Variants in SERPINB2 observed in about 807,000 individuals in gnomAD.
The protein encoded by SERPINB2 is plasminogen activator inhibitor 2.
SERPINB2 carries 28 observed loss-of-function variants against 39.4 expected under a neutral mutation model. The observed-to-expected ratio is 0.71, with a 90% CI of 0.53 to 0.97. SERPINB2 has a LOEUF of 0.97. Among genes scored for constraint, SERPINB2 ranks in the 50% least tolerant of loss-of-function variants. The pLI is 0.00. For synonymous variants in SERPINB2, 209 were observed against 175.1 expected (o/e 1.19, Z -1.53); for missense variants, 557 against 505.3 (o/e 1.10, Z -0.98).
chr18:63,897,776 T>C lies in SERPINB2; in HGVS notation c.467T>C (p.Val156Ala). 1 of 1,613,588 alleles carries C rather than the reference T, an allele frequency of 6.2e-7. No homozygotes were observed. The highest frequency in any genetic ancestry group is 1.1e-5 in the South Asian group (1 of 91,054). The change falls in exon 5 of 8, where the codon GTA (valine) becomes GCA (alanine). Residue 156 changes from valine (V) to alanine (A), a missense_variant. By Grantham distance (64) the Val-to-Ala change is moderately conservative. Transcript: ENST00000299502. ...QKYYSSEPQA[V>A]DFLECAEEAR... ...TATTACTCCTCAGAACCCCAGGCAG[T>C]AGACTTCCTAGAATGTGCAGAAGAA...
At chr18:63,889,401 C>G (rs986601794) in intron 1 of SERPINB2, among the ~76,000 whole-genome samples, 2 of 151,998 alleles carry the variant, frequency 1.3e-5, no homozygotes, top group African/African-American at 4.8e-5. Flanking sequence ...ACAGAACTTT[C>G]TGTTAGTTTG....
intron 1 of SERPINB2, 30 bp downstream of exon 1, chr18:63,887,800 T>C (rs2049902512): frequency 1.3e-5 from 2 of 152,230 alleles, no homozygotes; most frequent in South Asian, 4.1e-4. Flanking sequence ...GCCATGTCTA[T>C]GGGAAATAGG....
rs2049926649 is a variant in SERPINB2 at position 63,891,572 on chromosome 18, A to G, written c.128A>G (p.Tyr43Cys). 1.9e-6 allele frequency: 3 copies of G among 1,614,028 alleles called. No individual in the cohort carries two copies. The highest frequency in any genetic ancestry group is 1.7e-5 in the Admixed American group (1 of 60,008). Residue 43 changes from tyrosine (Y) to cysteine (C), a missense_variant, in exon 2 of 8, where the codon TAC (tyrosine) becomes TGC (cysteine). Coordinates refer to ENST00000299502, the MANE Select transcript of SERPINB2 (RefSeq NM_002575.3). ...WSISSTMAMVYMGSRGSTEDQ... is the reference protein window; with the variant it reads ...WSISSTMAMVCMGSRGSTEDQ... ...ATCTCGTCCACCATGGCCATGGTCT[A>G]CATGGGCTCCAGGGGCAGCACCGAA...
At position 63,903,213 on chromosome 18, in the gene SERPINB2, C is replaced by A; in HGVS notation, c.1156C>A (p.Pro386Thr). ...GACAGGGAGAACTGGACATGGAGGC[C>A]CACAGTTTGTGGCAGATCATCCTTT... is the stretch of plus-strand genomic sequence containing the variant. ...VMTGRTGHGGPQFVADHPFLF... is the reference protein window; with the variant it reads ...VMTGRTGHGGTQFVADHPFLF... The change falls in exon 8 of 8, where the codon CCA becomes ACA. Residue 386 changes from proline (P) to threonine (T), a missense_variant. Coordinates refer to ENST00000299502, the MANE Select transcript of SERPINB2 (RefSeq NM_002575.3). 1 of 1,612,098 alleles carries A rather than the reference C, an allele frequency of 6.2e-7. No homozygotes were observed. The highest frequency in any genetic ancestry group is 8.5e-7 in the Non-Finnish European group (1 of 1,179,184).
chr18:63,902,591 TTTCTGGGGC>T (rs2049999602), intron 7 of SERPINB2, 23 bp downstream of exon 7: 5 of 920,346 alleles, frequency 5.4e-6, no homozygotes, highest in Non-Finnish European at 7.0e-6. Context: ...GATATTTAAG[TTTCTGGGGC>T]TATACCTACC....
At chr18:63,894,062 C>G (rs1276610933) in intron 2 of SERPINB2, among the ~76,000 whole-genome samples, 1 of 152,192 alleles carries the variant, frequency 6.6e-6, no homozygotes, top group Non-Finnish European at 1.5e-5. Flanking sequence ...CCAGGCCAAA[C>G]TGCCTCACTA....
intron 5 of SERPINB2, among the ~76,000 whole-genome samples, chr18:63,899,906 T>G (rs1480093598): frequency 6.6e-6 from 1 of 152,216 alleles, no homozygotes. Flanking sequence ...AATAATTGAT[T>G]TCCTTTTAGT....
intron 2 of SERPINB2, among the ~76,000 whole-genome samples, chr18:63,893,207 C>T (rs1247789849): frequency 6.6e-6 from 1 of 152,176 alleles, no homozygotes; most frequent in African/African-American, 2.4e-5. Context: ...GGATTATAGG[C>T]GTGAGCCAGT....
intron 5 of SERPINB2, 29 bp downstream of exon 5, chr18:63,897,873 T>A: frequency 7.1e-7 from 1 of 1,408,058 alleles, no homozygotes; most frequent in Non-Finnish European, 1.0e-6. Context: ...TTTATTTACT[T>A]CTTTCCAGTT....
chr18:63,901,987 G>A (rs2049994593), intron 6 of SERPINB2, 105 bp downstream of exon 6: 1 of 1,084,686 alleles, frequency 9.2e-7, no homozygotes, highest in South Asian at 1.5e-5. Context: ...CTAGTTAGAA[G>A]TTATGCATGT....
chr18:63,902,508 T>C lies in SERPINB2; in HGVS notation c.783T>C (p.Asp261=), dbSNP rs2049998746. Residue 261 remains aspartate (D), a synonymous_variant, in exon 7 of 8, where the codon GAT becomes GAC. Coordinates refer to ENST00000299502, the MANE Select transcript of SERPINB2 (RefSeq NM_002575.3). The part of the protein sequence containing the change: ...AQILELPYAG[D]VSMFLLLPDE... ...TTCTAGAACTCCCATATGCTGGAGA[T>C]GTTAGCATGTTCTTGTTGCTTCCAG... 1.2e-6 allele frequency: 2 copies of C among 1,613,732 alleles called. No individual in the cohort carries two copies. Among genetic ancestry groups the C allele is most frequent in the East Asian group, 2.2e-5 (1 of 44,858 alleles).
chr18:63,902,680 C>G, intron 7 of SERPINB2, 112 bp downstream of exon 7: 1 of 1,168,160 alleles, frequency 8.6e-7, no homozygotes, highest in Non-Finnish European at 1.2e-6. Context: ...ATATATGAAA[C>G]AGTTGATAGT....
chr18:63,901,265 G>A (rs1231209539), intron 5 of SERPINB2, among the ~76,000 whole-genome samples: 1 of 152,080 alleles, frequency 6.6e-6, no homozygotes, highest in East Asian at 1.9e-4. Context: ...CTCATCTCTT[G>A]TATCTGCACT....
intron 4 of SERPINB2, among the ~76,000 whole-genome samples, 189 bp from the exon 5 acceptor site, chr18:63,897,538 G>T (rs1038708347): frequency 2.0e-5 from 3 of 152,150 alleles, no homozygotes; most frequent in South Asian, 2.1e-4. Context: ...GGTGGATAGA[G>T]TTGGGGAGTA....
intron 2 of SERPINB2, among the ~76,000 whole-genome samples, chr18:63,893,196 G>A (rs534876992): frequency 1.6e-3 from 250 of 152,300 alleles, no homozygotes; most frequent in African/African-American, 5.8e-3. Context: ...CCAAAGTGCT[G>A]GGATTATAGG....
At chr18:63,888,134 T>G (rs1433453392) in intron 1 of SERPINB2, among the ~76,000 whole-genome samples, 1 of 152,252 alleles carries the variant, frequency 6.6e-6, no homozygotes, top group African/African-American at 2.4e-5. Context: ...TACATTAAAA[T>G]ATTTTCATTT....
intron 2 of SERPINB2, among the ~76,000 whole-genome samples, chr18:63,892,415 G>GT (rs2049932649): frequency 2.0e-5 from 3 of 152,198 alleles, no homozygotes; most frequent in Admixed American, 6.5e-5. Context: ...AATCGTTACT[G>GT]TAATAGTCAC....
chr18:63,896,329 A>T (rs920609066), intron 3 of SERPINB2, among the ~76,000 whole-genome samples: 3 of 152,228 alleles, frequency 2.0e-5, no homozygotes, highest in African/African-American at 7.2e-5. Context: ...TACAAACTTC[A>T]GTTTGAGAAC....
chr18:63,899,007 T>G (rs1261819320), intron 5 of SERPINB2, among the ~76,000 whole-genome samples: 2 of 152,216 alleles, frequency 1.3e-5, no homozygotes, highest in Non-Finnish European at 2.9e-5. Context: ...ATTCTTTACC[T>G]TGACTTCTGA....
Sources: allele counts gnomAD v4.1 joint callset (sites outside exome capture counted in the v4.1 genomes callset), GRCh38; gene constraint gnomAD v4.1.1; transcripts MANE v1.5; gene names NCBI Gene and HGNC (gene_info 2026-07-23, HGNC 2026-07-21).